Variants in HYAL4 observed in about 807,000 individuals in gnomAD.
The protein encoded by HYAL4 is hyaluronidase-4.
Under a neutral mutation model 35.2 loss-of-function variants are expected in HYAL4, and 37 were observed. The observed-to-expected ratio is 1.05, with a 90% confidence interval of 0.81 to 1.38. The LOEUF is 1.38. HYAL4 is among the 40% of genes most tolerant of loss of function. The pLI is 0.00. For synonymous variants in HYAL4, 198 were observed against 203.2 expected (o/e 0.97, Z 0.22); for missense variants, 572 against 572.4 (o/e 1.00, Z 0.01).
intron 2 of HYAL4, among the ~76,000 whole-genome samples, chr7:123,863,371 A>G (rs1806619218): frequency 6.6e-6 from 1 of 152,200 alleles, no homozygotes; most frequent in Non-Finnish European, 1.5e-5. Context: ...AAAGACCACC[A>G]GGAGCACACC....
At chr7:123,813,075 A>G in the HYAL4 span, among the ~76,000 whole-genome samples, 1 of 152,182 alleles carries the variant, frequency 6.6e-6, no homozygotes, top group Non-Finnish European at 1.5e-5. Flanking sequence ...ATGTTGTGAG[A>G]GTTAGCGTAC....
chr7:123,825,076 C>T (rs915765269), upstream of HYAL4, among the ~76,000 whole-genome samples: 4 of 152,102 alleles, frequency 2.6e-5, no homozygotes, highest in Non-Finnish European at 4.4e-5. Context: ...GTCAACCCCA[C>T]TGTCTTCAGC....
chr7:123,810,454 A>G, the HYAL4 span, among the ~76,000 whole-genome samples: 1 of 152,218 alleles, frequency 6.6e-6, no homozygotes, highest in Admixed American at 6.5e-5. Flanking sequence ...TCTATTACAA[A>G]CATAGTAGCA....
chr7:123,859,999 G>A (rs183352807), intron 2 of HYAL4, among the ~76,000 whole-genome samples: 45 of 152,180 alleles, frequency 3.0e-4, no homozygotes, highest in African/African-American at 1.1e-3. Flanking sequence ...CATATGTTGT[G>A]GGAGGGACCT....
chr7:123,810,914 T>G, the HYAL4 span, among the ~76,000 whole-genome samples: 1 of 152,246 alleles, frequency 6.6e-6, no homozygotes, highest in East Asian at 1.9e-4. Flanking sequence ...TAGTTGGAAT[T>G]GTACAATTTG....
chr7:123,780,450 C>A, the HYAL4 span, among the ~76,000 whole-genome samples: 222 of 152,282 alleles, frequency 1.5e-3, 1 homozygote, highest in Non-Finnish European at 2.7e-3. Context: ...TGACACATGG[C>A]TGTCACATAA....
At chr7:123,845,707 G>C (rs185877254) in intron 1 of HYAL4, 22 bp downstream of exon 1, 1 of 152,068 alleles carries the variant, frequency 6.6e-6, no homozygotes, top group East Asian at 1.9e-4. Flanking sequence ...TAATTTTTTG[G>C]GGGGGATGTT....
intron 2 of HYAL4, among the ~76,000 whole-genome samples, chr7:123,851,450 T>C (rs906431744): frequency 5.3e-5 from 8 of 152,152 alleles, no homozygotes; most frequent in African/African-American, 1.9e-4. Context: ...TGTCCATGTG[T>C]TCTCATTGTT....
At chr7:123,799,505 G>A in the HYAL4 span, among the ~76,000 whole-genome samples, 1 of 151,238 alleles carries the variant, frequency 6.6e-6, no homozygotes, top group South Asian at 2.1e-4. Context: ...AAATTACACT[G>A]AGGCTGGGCA....
the HYAL4 span, among the ~76,000 whole-genome samples, chr7:123,807,432 G>GTTTTGTTTTT: frequency 8.3e-6 from 1 of 120,804 alleles, no homozygotes; most frequent in African/African-American, 3.1e-5. Flanking sequence ...ACTTTTTATG[G>GTTTTGTTTTT]TTTTTTTTTT....
At chr7:123,795,058 A>T in the HYAL4 span, among the ~76,000 whole-genome samples, 1 of 152,234 alleles carries the variant, frequency 6.6e-6, no homozygotes, top group Non-Finnish European at 1.5e-5. Flanking sequence ...TGGATGTGAG[A>T]CATGGAGTCA....
the HYAL4 span, among the ~76,000 whole-genome samples, chr7:123,819,895 C>CT: frequency 0.11 from 15,473 of 138,810 alleles, 1,018 homozygotes; most frequent in Non-Finnish European, 0.15. Flanking sequence ...CTTTTTTTTT[C>CT]TTTTTTTTTT....
chr7:123,778,823 T>A, the HYAL4 span, among the ~76,000 whole-genome samples: 1 of 152,180 alleles, frequency 6.6e-6, no homozygotes, highest in Non-Finnish European at 1.5e-5. Context: ...CTTTTCAAAT[T>A]TTTACCTAAA....
intron 2 of HYAL4, among the ~76,000 whole-genome samples, chr7:123,855,417 C>T (rs888479286): frequency 2.6e-5 from 4 of 152,012 alleles, no homozygotes; most frequent in East Asian, 3.8e-4. Context: ...AATCCCTCAG[C>T]GTTTGCTTGT....
At chr7:123,835,800 A>C (rs898998920) in intron 1 of HYAL4, among the ~76,000 whole-genome samples, 1 of 152,154 alleles carries the variant, frequency 6.6e-6, no homozygotes, top group Non-Finnish European at 1.5e-5. Context: ...CGGTTCAAAA[A>C]TTTTTTAAAT....
the HYAL4 span, among the ~76,000 whole-genome samples, chr7:123,792,944 T>C: frequency 2.0e-5 from 3 of 152,284 alleles, no homozygotes; most frequent in East Asian, 5.8e-4. Flanking sequence ...CCTCCTCTCA[T>C]AGGCTCTGAG....
Position 123,869,212 on chromosome 7 carries a change from A to T in HYAL4, c.939A>T (p.Leu313Phe). Residue 313 changes from leucine to phenylalanine, a missense_variant, in exon 3 of 5, where the codon TTA becomes TTT. Transcript: ENST00000223026. ...GGCTAGGGTACAGAGATGAACCTTTATTTTTCCTTTCTAAGGTAAGAAGCT... is the reference window on the plus strand; with the variant it reads ...GGCTAGGGTACAGAGATGAACCTTTTTTTTTCCTTTCTAAGGTAAGAAGCT... ...YTRLGYRDEP[L>F]FFLSKQDLVS... 5.6e-6 allele frequency: 9 copies of T among 1,595,680 alleles called. No individual in the cohort carries two copies. Among genetic ancestry groups the T allele is most frequent in the Non-Finnish European group, 6.8e-6 (8 of 1,170,348 alleles).
chr7:123,779,570 T>C, the HYAL4 span, among the ~76,000 whole-genome samples: 2 of 152,220 alleles, frequency 1.3e-5, no homozygotes, highest in East Asian at 1.9e-4. Context: ...TGGAATAAGA[T>C]TGTGCTGTTA....
At chr7:123,874,901 C>A in intron 4 of HYAL4, 51 bp downstream of exon 4, 1 of 1,084,724 alleles carries the variant, frequency 9.2e-7, no homozygotes, top group Non-Finnish European at 1.4e-6. Flanking sequence ...AAAAGTATTT[C>A]TCTGCTTTCT....
Sources: allele counts gnomAD v4.1 joint callset (sites outside exome capture counted in the v4.1 genomes callset), GRCh38; gene constraint gnomAD v4.1.1; transcripts MANE v1.5; gene names NCBI Gene and HGNC (gene_info 2026-07-23, HGNC 2026-07-21).